Variants in NAALADL2 observed in about 807,000 individuals in gnomAD.
The protein encoded by NAALADL2 is inactive N-acetylated-alpha-linked acidic dipeptidase-like protein 2.
NAALADL2 carries 76 observed loss-of-function variants against 87.2 expected under a neutral mutation model. The ratio of observed to expected loss-of-function variants is 0.87; its 90% CI spans 0.72 to 1.05. The LOEUF is 1.05. Ranked by LOEUF, NAALADL2 falls within the 50% of genes least tolerant of loss-of-function variation. NAALADL2 has a pLI of 0.00. For synonymous variants in NAALADL2, 354 were observed against 331.0 expected, an observed-to-expected ratio of 1.07 and a Z score of -0.75; for missense variants, 1,089 against 945.8, an observed-to-expected ratio of 1.15 and a Z score of -1.99.
chr3:174,548,094 TAGAGTTCTCTCCAA>T (rs1192446118), intron 1 of NAALADL2, among the ~76,000 whole-genome samples: 9 of 152,226 alleles, frequency 5.9e-5, no homozygotes, highest in Non-Finnish European at 1.3e-4. Context: ...CATCTAATTT[TAGAGTTCTCTCCAA>T]AGAAGGAAAC....
chr3:175,244,905 TTTG>T (rs1253539211), intron 3 of NAALADL2, among the ~76,000 whole-genome samples: 27 of 152,144 alleles, frequency 1.8e-4, no homozygotes, highest in Admixed American at 7.9e-4. Flanking sequence ...ATGTTTACTT[TTTG>T]TTGTTGTTGT....
intron 1 of NAALADL2, among the ~76,000 whole-genome samples, chr3:175,074,860 A>C (rs939704928): frequency 6.6e-6 from 1 of 152,086 alleles, no homozygotes; most frequent in Non-Finnish European, 1.5e-5. Flanking sequence ...ATGTTAGTTA[A>C]GTATTCTTCG....
At chr3:175,557,437 A>G (rs529057824) in intron 9 of NAALADL2, among the ~76,000 whole-genome samples, 2 of 152,286 alleles carry the variant, frequency 1.3e-5, no homozygotes, top group East Asian at 3.9e-4. Context: ...AAAATGTACA[A>G]TTAAATTATT....
intron 2 of NAALADL2, among the ~76,000 whole-genome samples, chr3:175,151,349 C>T (rs936480): frequency 0.29 from 43,944 of 152,024 alleles, 6,655 homozygotes; most frequent in Non-Finnish European, 0.34. Context: ...CTTAGGCACT[C>T]GTGGTCTGTT....
At chr3:174,618,917 T>C (rs1281420161) in intron 2 of NAALADL2, among the ~76,000 whole-genome samples, 1 of 151,922 alleles carries the variant, frequency 6.6e-6, no homozygotes, top group Non-Finnish European at 1.5e-5. Flanking sequence ...AAAACCACAT[T>C]CAAAGCAAAG....
At chr3:175,470,373 G>A (rs1418412755) in intron 8 of NAALADL2, among the ~76,000 whole-genome samples, 1 of 151,936 alleles carries the variant, frequency 6.6e-6, no homozygotes, top group Non-Finnish European at 1.5e-5. Flanking sequence ...CACAAAAAAT[G>A]TAACATATTT....
At chr3:175,041,084 A>G (rs935418985) in intron 1 of NAALADL2, among the ~76,000 whole-genome samples, 3 of 151,990 alleles carry the variant, frequency 2.0e-5, no homozygotes, top group African/African-American at 7.3e-5. Flanking sequence ...ATTATTATCG[A>G]TATTTTGCAT....
Position 175,467,189 on chromosome 3 carries a change from A to G in NAALADL2, c.1533+5A>G, listed in dbSNP as rs754417887. 6.8e-6 allele frequency: 11 copies of G among 1,607,640 alleles called. No homozygotes were observed. The South Asian group carries it at 1.2e-4, about 18-fold the overall frequency. On this transcript the variant is annotated splice_donor_5th_base_variant and intron_variant, in intron 8 of 13. Coordinates refer to ENST00000454872, the MANE Select transcript of NAALADL2 (RefSeq NM_207015.3). ...GGCTCATATGAATGGGGAGAGGTAA[A>G]GCAAAATATACATTAATTACAGTGC...
At chr3:175,575,910 C>A in intron 9 of NAALADL2, 131 bp from the exon 10 acceptor site, 2 of 689,746 alleles carry the variant, frequency 2.9e-6, no homozygotes, top group South Asian at 4.2e-5. Context: ...GGGGCCTAAG[C>A]ATTTGCATTT....
chr3:175,583,668 T>A (rs1421163066), intron 10 of NAALADL2, among the ~76,000 whole-genome samples: 1 of 152,184 alleles, frequency 6.6e-6, no homozygotes, highest in African/African-American at 2.4e-5. Context: ...AATAGAATTT[T>A]ATTCAACAAG....
In NAALADL2 at chr3:174,721,188, A is replaced by G. The variant is rs529317641; in HGVS notation, c.-114-16453A>G. Among the ~76,000 whole-genome samples the G allele has an allele frequency of 1.3e-4, 20 of 152,332 alleles. No individual in the cohort carries two copies. The South Asian group carries it at 3.1e-3, about 24-fold the overall frequency. ...TAGGCTGTAACTTTAAATCTGAGTT[A>G]TAATAAAGCATAGTTAGTGTATTTA... On this transcript the variant is annotated intron_variant, in intron 2 of 3. Coordinates refer to the NAALADL2 transcript ENST00000434257.
intron 11 of NAALADL2, among the ~76,000 whole-genome samples, chr3:175,715,378 A>T (rs780087507): frequency 6.6e-6 from 1 of 152,162 alleles, no homozygotes; most frequent in Non-Finnish European, 1.5e-5. Flanking sequence ...AAAATCTCAT[A>T]TCTTTCTTTG....
At chr3:175,119,705 A>ATATAGATATAGT (rs1263956857) in intron 2 of NAALADL2, among the ~76,000 whole-genome samples, 12 of 148,038 alleles carry the variant, frequency 8.1e-5, no homozygotes, top group African/African-American at 2.7e-4. Flanking sequence ...ATAGATATAG[A>ATATAGATATAGT]TATAGATATA....
At chr3:175,709,917 AG>A in intron 11 of NAALADL2, among the ~76,000 whole-genome samples, 2 of 152,252 alleles carry the variant, frequency 1.3e-5, no homozygotes, top group South Asian at 4.1e-4. Flanking sequence ...TGATGCAGTG[AG>A]TACAGGTCTA....
intron 3 of NAALADL2, among the ~76,000 whole-genome samples, chr3:174,828,868 T>C (rs553731818): frequency 5.9e-5 from 9 of 152,280 alleles, no homozygotes; most frequent in African/African-American, 2.2e-4. Context: ...CTATATGATG[T>C]AGAACAAAAT....
At chr3:174,927,057 A>T (rs1736164951) in intron 1 of NAALADL2, among the ~76,000 whole-genome samples, 1 of 152,046 alleles carries the variant, frequency 6.6e-6, no homozygotes, top group Middle Eastern at 3.4e-3. Context: ...AGGGGTTGCA[A>T]TCCTGGTCTC....
Position 174,491,364 on chromosome 3 carries a change from A to G in NAALADL2, c.-184+50332A>G, listed in dbSNP as rs562600972. On this transcript the variant is annotated intron_variant, in intron 1 of 3. Transcript: ENST00000434257. Reference sequence around the variant, plus strand: ...AAAATTGTAGTTCATGGAAGTGTTGAGTAGTCAAAGCTTCCACTTACTCTC... The same window carrying G: ...AAAATTGTAGTTCATGGAAGTGTTGGGTAGTCAAAGCTTCCACTTACTCTC... Among the ~76,000 whole-genome samples, 30 of 152,308 alleles carry G rather than the reference A, an allele frequency of 2.0e-4. No homozygotes were observed. In the East Asian group the frequency reaches 5.2e-3, roughly 26 times the overall value.
chr3:175,467,070 T>C lies in NAALADL2; in HGVS notation c.1419T>C (p.Phe473=), dbSNP rs1378901277. ...WASSTAIITA[F]IRALMSKVKR... ...GTAGTACTGCAATAATCACAGCGTT[T>C]ATCCGTGCCTTGATGTCAAAAGTTA... is the stretch of plus-strand genomic sequence containing the variant. The change falls in exon 8 of 14, where the codon TTT becomes TTC. Residue 473 remains phenylalanine (F), a synonymous_variant. Transcript: ENST00000454872. The C allele has an allele frequency of 1.2e-6, 2 of 1,613,796 alleles. No homozygotes were observed. Among genetic ancestry groups the C allele is most frequent in the Non-Finnish European group, 1.7e-6 (2 of 1,179,810 alleles).
intron 4 of NAALADL2, among the ~76,000 whole-genome samples, chr3:175,308,746 C>T (rs1581355746): frequency 6.6e-6 from 1 of 152,258 alleles, no homozygotes; most frequent in East Asian, 1.9e-4. Flanking sequence ...TGGGTTTGTA[C>T]TGTTAAAAGA....
Sources: gnomAD v4.1 joint callset for allele counts (sites outside exome capture counted in the v4.1 genomes callset) on GRCh38, gnomAD v4.1.1 for gene constraint, MANE v1.5 for transcripts, NCBI Gene and HGNC (gene_info 2026-07-23, HGNC 2026-07-21) for gene names.